ZNF850: variants seen among roughly 807,000 people sequenced by gnomAD.
The protein encoded by ZNF850 is zinc finger protein 850.
ZNF850 carries 2 observed loss-of-function variants against 11.9 expected under a neutral mutation model. The ratio of observed to expected loss-of-function variants is 0.17; its 90% CI spans 0.07 to 0.53. The LOEUF (loss-of-function observed/expected upper bound fraction) is 0.53. Among genes scored for constraint, ZNF850 ranks in the 20% least tolerant of loss-of-function variants. The pLI is 0.94. For missense variants in ZNF850, 1,014 were observed against 1,316.4 expected, an observed-to-expected ratio of 0.77 and a Z score of 3.55; for synonymous variants, 381 against 443.0, an observed-to-expected ratio of 0.86 and a Z score of 1.76.
intron 4 of ZNF850, among the ~76,000 whole-genome samples, chr19:36,755,180 A>T (rs547415073): frequency 1.3e-5 from 2 of 152,204 alleles, no homozygotes; most frequent in South Asian, 2.1e-4. Flanking sequence ...AATGCAAAAC[A>T]TTTACAAAAG....
chr19:36,763,851 T>C (rs1453241816), intron 1 of ZNF850, among the ~76,000 whole-genome samples: 3 of 151,762 alleles, frequency 2.0e-5, no homozygotes, highest in Admixed American at 6.6e-5. Context: ...GGTGGGAGGA[T>C]TGCTTGAGCC....
In ZNF850 at chr19:36,749,634, C is replaced by T. The variant is rs762494382; in HGVS notation, c.1406G>A (p.Arg469Gln). The T allele has an allele frequency of 3.2e-5, 49 of 1,552,016 alleles. No individual in the cohort carries two copies. Among genetic ancestry groups the T allele is most frequent in the Middle Eastern group, 1.7e-4 (1 of 5,990 alleles). ...ATAGGGTTTCTCACCAGTGTGAATC[C>T]GCTGATGTTGAAGTAGTGCTGAGCC... is the stretch of plus-strand genomic sequence containing the variant. ...ASGSALLQHQ[R>Q]IHTGEKPYCC... Residue 469 changes from arginine (R) to glutamine (Q), a missense_variant, in exon 5 of 5, where the codon CGG (arginine) becomes CAG (glutamine). Physicochemically the swap from Arg to Gln is conservative, Grantham distance 43 (BLOSUM62 1). Around this residue, in one of 2 missense-constraint regions of ZNF850, gnomAD observed 835 missense variants for 1,022.0 expected, o/e 0.82. Coordinates refer to ENST00000591344, the MANE Select transcript of ZNF850 (RefSeq NM_001193552.2).
At chr19:36,769,702 G>A (rs1169765872) in intron 1 of ZNF850, among the ~76,000 whole-genome samples, 2 of 152,226 alleles carry the variant, frequency 1.3e-5, no homozygotes, top group African/African-American at 2.4e-5. Context: ...CTCAAACTAT[G>A]TTCTTCCTCT....
chr19:36,757,795 G>A (rs930367260), intron 4 of ZNF850, among the ~76,000 whole-genome samples: 1 of 151,842 alleles, frequency 6.6e-6, no homozygotes, highest in Non-Finnish European at 1.5e-5. Context: ...CAAAGTGCTG[G>A]GATTTACAGG....
At chr19:36,753,717 CT>C (rs2040468700) in intron 4 of ZNF850, among the ~76,000 whole-genome samples, 1 of 152,032 alleles carries the variant, frequency 6.6e-6, no homozygotes, top group African/African-American at 2.4e-5. Context: ...TACACATTTA[CT>C]ATATAAGCTC....
chr19:36,762,966 C>T (rs935066532), intron 1 of ZNF850, among the ~76,000 whole-genome samples: 7 of 151,980 alleles, frequency 4.6e-5, no homozygotes, highest in African/African-American at 1.7e-4. Context: ...TCACAGCTCA[C>T]TGCAGCCTCA....
Position 36,747,899 on chromosome 19 carries a change from GA to G in ZNF850, c.3140del (p.Phe1047SerfsTer43). On this transcript the variant is annotated frameshift_variant, in exon 5 of 5. Transcript: ENST00000591344. LOFTEE classifies it low-confidence loss of function (END_TRUNC). ...YQCPECGKAFFYASGLSRHQS... is the reference protein window; with the variant it reads ...YQCPECGKAFXYASGLSRHQS... ...GATGTCGGCTGAGTCCTGAGGCATA[GA>G]AAAAGGCTTTCCCACATTCCGGACA... The G allele has an allele frequency of 2.5e-6, 4 of 1,571,024 alleles. No homozygotes were observed. Among genetic ancestry groups the G allele is most frequent in the Non-Finnish European group, 8.6e-7 (1 of 1,162,562 alleles).
chr19:36,771,906 C>T (rs2040586883), intron 1 of ZNF850, among the ~76,000 whole-genome samples: 1 of 152,192 alleles, frequency 6.6e-6, no homozygotes, highest in Non-Finnish European at 1.5e-5. Context: ...AGCCATACCG[C>T]CCAGACCCCT....
In ZNF850 at chr19:36,749,247, A is replaced by G; in HGVS notation, c.1793T>C (p.Phe598Ser). 3 of 1,583,316 alleles carry G rather than the reference A, an allele frequency of 1.9e-6. No homozygotes were observed. The highest frequency in any genetic ancestry group is 2.6e-6 in the Non-Finnish European group (3 of 1,167,548). Residue 598 changes from phenylalanine (F) to serine (S), a missense_variant, in exon 5 of 5, where the codon TTT (phenylalanine) becomes TCT (serine). Physicochemically the swap from Phe to Ser is radical, Grantham distance 155. Coordinates refer to ENST00000591344, the MANE Select transcript of ZNF850 (RefSeq NM_001193552.2). ...TTGAAGTAGTGTTGAGCCAACAGTA[A>G]AAGATTTTCCACATTCCTTACAGTG... ...PYHCKECGKSFTVGSTLLQHQ... is the reference protein window; with the variant it reads ...PYHCKECGKSSTVGSTLLQHQ...
chr19:36,748,656 G>A lies in ZNF850; in HGVS notation c.2384C>T (p.Thr795Ile), dbSNP rs750704764. Residue 795 changes from threonine (T) to isoleucine (I), a missense_variant, in exon 5 of 5, where the codon ACT becomes ATT. Thr to Ile is a moderately conservative substitution (Grantham distance 89). This residue lies in a region of ZNF850 where 835 missense variants were observed against 1,022.0 expected (regional missense o/e 0.82). Coordinates refer to ENST00000591344, the MANE Select transcript of ZNF850 (RefSeq NM_001193552.2). ...ATGTTGAATTAGTGTTGAATGAGAAGTAAAAGATTTCCCACATTCCTTACA... is the reference window on the plus strand; with the variant it reads ...ATGTTGAATTAGTGTTGAATGAGAAATAAAAGATTTCCCACATTCCTTACA... ...YDCKECGKSF[T>I]SHSTLIQHQP... 2.2e-4 allele frequency: 331 copies of A among 1,537,158 alleles called. No individual in the cohort carries two copies. The highest frequency in any genetic ancestry group is 2.7e-4 in the Non-Finnish European group (310 of 1,146,986).
intron 4 of ZNF850, among the ~76,000 whole-genome samples, chr19:36,756,718 A>G (rs546741460): frequency 1.1e-3 from 163 of 152,234 alleles, no homozygotes; most frequent in African/African-American, 3.8e-3. Context: ...GGCTCAACCA[A>G]TTTGCCTGCC....
intron 1 of ZNF850, among the ~76,000 whole-genome samples, chr19:36,771,591 C>A (rs1221985847): frequency 6.6e-6 from 1 of 151,380 alleles, no homozygotes; most frequent in Non-Finnish European, 1.5e-5. Flanking sequence ...AAGTTTGGCC[C>A]GGGACCAATC....
rs1232083157 is a variant in ZNF850, at chr19:36,746,663, A to T, written c.*1104T>A. ...CCACGCCCGGCTTGGAATTTCTAAT[A>T]TAAATTGCCCACTGGATCCAAAGGA... On this transcript the variant is annotated 3_prime_UTR_variant, in exon 5 of 5. Coordinates refer to ENST00000591344, the MANE Select transcript of ZNF850 (RefSeq NM_001193552.2). The T allele has an allele frequency of 6.6e-6, 1 of 151,998 alleles. No homozygotes were observed. The highest frequency in any genetic ancestry group is 2.4e-5 in the African/African-American group (1 of 41,416). The allele number at this position is 151,998 out of a possible 1,614,324, so 9.4% of individuals were successfully genotyped here.
At position 36,749,330 on chromosome 19, in the gene ZNF850, A is replaced by T; in HGVS notation, c.1710T>A (p.Phe570Leu). The T allele has an allele frequency of 1.3e-6, 2 of 1,554,694 alleles. No homozygotes were observed. The highest frequency in any genetic ancestry group is 1.7e-6 in the Non-Finnish European group (2 of 1,154,274). The change falls in exon 5 of 5, where the codon TTT (phenylalanine) becomes TTA (leucine). Residue 570 changes from phenylalanine (F) to leucine (L), a missense_variant. Physicochemically the swap from Phe to Leu is conservative, Grantham distance 22. Around this residue, in one of 2 missense-constraint regions of ZNF850, gnomAD observed 835 missense variants for 1,022.0 expected, o/e 0.82. Transcript: ENST00000591344. ...GTTGAATTAGTGCTGAGCGAGAAGT[A>T]AAAGATTTTCCACATTCTTTACAAT... ...PYDCKECGKS[F>L]TSRSALIQHQ... is the part of the protein sequence containing the mutation.
chr19:36,771,123 CTTCT>C (rs1442160936), intron 1 of ZNF850, among the ~76,000 whole-genome samples: 1 of 152,148 alleles, frequency 6.6e-6, no homozygotes, highest in Non-Finnish European at 1.5e-5. Context: ...TTGTTTTTGC[CTTCT>C]TTCTCTCACG....
Position 36,761,728 on chromosome 19 carries a change from G to A in ZNF850, c.150C>T (p.Ile50=), listed in dbSNP as rs1461718293. ...GTAAGGAAATCACATCAGGCTTTGGGATAGAGAGACCTGTTTATAAGAAAA... is the reference window on the plus strand; with the variant it reads ...GTAAGGAAATCACATCAGGCTTTGGAATAGAGAGACCTGTTTATAAGAAAA... ...YSSLVSLGLS[I]PKPDVISLLE... Residue 50 remains isoleucine (I), a synonymous_variant, in exon 4 of 5, where the codon ATC becomes ATT. Transcript: ENST00000591344. The A allele has an allele frequency of 3.0e-5, 46 of 1,538,248 alleles. No homozygotes were observed. The highest frequency in any genetic ancestry group is 4.0e-5 in the Non-Finnish European group (46 of 1,142,774).
intron 1 of ZNF850, among the ~76,000 whole-genome samples, chr19:36,766,502 C>T (rs2040550311): frequency 6.6e-6 from 1 of 152,124 alleles, no homozygotes; most frequent in South Asian, 2.1e-4. Context: ...ATCAAAAACA[C>T]TTTATACATG....
At chr19:36,770,397 C>G (rs1366442054) in intron 1 of ZNF850, among the ~76,000 whole-genome samples, 1 of 152,120 alleles carries the variant, frequency 6.6e-6, no homozygotes, top group Non-Finnish European at 1.5e-5. Context: ...CGGTCAATCA[C>G]TAACATACAA....
chr19:36,771,019 A>T (rs1600619537), intron 1 of ZNF850, among the ~76,000 whole-genome samples: 1 of 152,236 alleles, frequency 6.6e-6, no homozygotes, highest in East Asian at 1.9e-4. Context: ...CATCCCATAA[A>T]CTGCATGGCT....
Sources: allele counts gnomAD v4.1 joint callset (sites outside exome capture counted in the v4.1 genomes callset), GRCh38; gene constraint gnomAD v4.1.1; regional missense constraint gnomAD v4.1.1; transcripts MANE v1.5; gene names NCBI Gene and HGNC (gene_info 2026-07-23, HGNC 2026-07-21).